GPHN: variants seen among roughly 807,000 people sequenced by gnomAD.
GPHN encodes gephyrin.
GPHN carries 17 observed loss-of-function variants against 95.5 expected under a neutral mutation model. That is an observed-to-expected ratio of 0.18 (90% CI 0.12 to 0.27). The LOEUF is 0.27. GPHN is among the 10% of genes least tolerant of loss of function. The pLI is 1.00. For missense variants in GPHN, 660 were observed against 978.1 expected, an observed-to-expected ratio of 0.67 and a Z score of 4.34; for synonymous variants, 320 against 322.5, an observed-to-expected ratio of 0.99 and a Z score of 0.08.
At chr14:66,884,630 A>G (rs934398208) in intron 5 of GPHN, among the ~76,000 whole-genome samples, 17 of 151,890 alleles carry the variant, frequency 1.1e-4, no homozygotes, top group Non-Finnish European at 1.8e-4. Context: ...TTCATTAAAA[A>G]CAACAGACTA....
At chr14:66,923,314 G>A (rs2066312887) in intron 7 of GPHN, among the ~76,000 whole-genome samples, 1 of 151,806 alleles carries the variant, frequency 6.6e-6, no homozygotes, top group Non-Finnish European at 1.5e-5. Flanking sequence ...GCAAACTGAA[G>A]GTAAAAGACC....
intron 1 of GPHN, among the ~76,000 whole-genome samples, chr14:66,518,423 G>A (rs1594794884): frequency 6.6e-6 from 1 of 152,098 alleles, no homozygotes; most frequent in South Asian, 2.1e-4. Flanking sequence ...ATGGAGAACA[G>A]TATAGAGGTT....
chr14:67,068,671 A>G (rs892127163), intron 11 of GPHN, among the ~76,000 whole-genome samples: 3 of 152,172 alleles, frequency 2.0e-5, no homozygotes, highest in Non-Finnish European at 4.4e-5. Context: ...TTTATTTAAG[A>G]TTACATGATT....
chr14:66,590,035 C>T (rs186069958), intron 1 of GPHN, among the ~76,000 whole-genome samples: 15 of 152,246 alleles, frequency 9.9e-5, no homozygotes, highest in East Asian at 3.8e-4. Context: ...CTCAAAACCG[C>T]GTAACTACGT....
At chr14:67,332,824 G>A in the GPHN span, 1 of 1,613,974 alleles carries the variant, frequency 6.2e-7, no homozygotes, top group Middle Eastern at 1.6e-4. Flanking sequence ...GAGAGATGGA[G>A]CAGAACAATG....
intron 1 of GPHN, among the ~76,000 whole-genome samples, chr14:66,657,968 T>C (rs1421880741): frequency 1.3e-5 from 2 of 152,164 alleles, no homozygotes; most frequent in Non-Finnish European, 2.9e-5. Context: ...GGGATTGCTG[T>C]GATAGACCTG....
At chr14:67,179,827 A>G (rs1436856732) in intron 22 of GPHN, among the ~76,000 whole-genome samples, 153 bp downstream of exon 22, 5 of 152,258 alleles carry the variant, frequency 3.3e-5, no homozygotes, top group East Asian at 3.8e-4. Flanking sequence ...TAAACAGTAT[A>G]GCAAAAGTTA....
At chr14:66,753,177 A>T (rs527481422) in intron 2 of GPHN, among the ~76,000 whole-genome samples, 1 of 152,106 alleles carries the variant, frequency 6.6e-6, no homozygotes, top group Admixed American at 6.6e-5. Context: ...ATGAATTTGT[A>T]TTTGACCACT....
chr14:66,776,469 G>A lies in GPHN; in HGVS notation c.149G>A (p.Gly50Asp), dbSNP rs375443129. Residue 50 changes from glycine (G) to aspartate (D), a missense_variant, in exon 3 of 23, where the codon GGT becomes GAT. By Grantham distance (94) the Gly-to-Asp change is moderately conservative. This residue lies in a region of GPHN where 92 missense variants were observed against 91.9 expected (regional missense o/e 1.00). Transcript: ENST00000478722. ...TTTTCTTCTCCTAATTTCAGGTTGG[G>A]TGGGACTATATCAGCATACAAGATA... ...KDLVQDPSLLGGTISAYKIVP... is the reference protein window; with the variant it reads ...KDLVQDPSLLDGTISAYKIVP... The A allele has an allele frequency of 1.3e-6, 2 of 1,556,970 alleles. No individual in the cohort carries two copies. Among genetic ancestry groups the A allele is most frequent in the African/African-American group, 2.7e-5 (2 of 72,936 alleles).
chr14:67,341,798 AAAG>A, the GPHN span, among the ~76,000 whole-genome samples: 1 of 152,240 alleles, frequency 6.6e-6, no homozygotes, highest in African/African-American at 2.4e-5. Context: ...GTCTGTGTAG[AAAG>A]AAGTAGACAT....
chr14:66,789,817 A>G (rs1360010789), intron 3 of GPHN, among the ~76,000 whole-genome samples: 1 of 152,192 alleles, frequency 6.6e-6, no homozygotes, highest in South Asian at 2.1e-4. Context: ...CTGTAATCCA[A>G]ACGTGCAGAG....
At chr14:67,490,150 C>A in the GPHN span, among the ~76,000 whole-genome samples, 1 of 152,140 alleles carries the variant, frequency 6.6e-6, no homozygotes, top group Non-Finnish European at 1.5e-5. Flanking sequence ...TGTTACTAAT[C>A]AAACATAGCA....
chr14:67,711,594 T>A, the GPHN span, among the ~76,000 whole-genome samples: 1 of 152,204 alleles, frequency 6.6e-6, no homozygotes, highest in African/African-American at 2.4e-5. Flanking sequence ...ACACAACACA[T>A]AAATGCATTG....
chr14:66,735,306 A>T (rs564089575), intron 2 of GPHN, among the ~76,000 whole-genome samples: 1 of 152,284 alleles, frequency 6.6e-6, no homozygotes, highest in Admixed American at 6.5e-5. Context: ...ATGATGTCAC[A>T]TCTTTATGAA....
chr14:66,746,748 T>G (rs1472132391), intron 2 of GPHN, among the ~76,000 whole-genome samples: 1 of 152,076 alleles, frequency 6.6e-6, no homozygotes, highest in Non-Finnish European at 1.5e-5. Context: ...TTAGCACTGG[T>G]GATAAGATGC....
intron 9 of GPHN, among the ~76,000 whole-genome samples, chr14:67,020,332 TGAA>T (rs1034173164): frequency 1.3e-5 from 2 of 152,190 alleles, no homozygotes; most frequent in African/African-American, 2.4e-5. Context: ...CCTCCCATAA[TGAA>T]GAGCTGACTT....
At chr14:67,128,671 T>G (rs2079492485) in intron 17 of GPHN, among the ~76,000 whole-genome samples, 2 of 152,160 alleles carry the variant, frequency 1.3e-5, no homozygotes, top group South Asian at 4.1e-4. Flanking sequence ...CCACTGTGGC[T>G]CGTGCCTCTA....
chr14:66,575,534 C>T (rs1595045078), intron 1 of GPHN, among the ~76,000 whole-genome samples: 2 of 152,300 alleles, frequency 1.3e-5, no homozygotes, highest in South Asian at 4.1e-4. Flanking sequence ...GTCAGCCTGT[C>T]CAGTGTTTCT....
At chr14:66,966,646 A>G (rs769958656) in intron 9 of GPHN, among the ~76,000 whole-genome samples, 6 of 152,038 alleles carry the variant, frequency 3.9e-5, no homozygotes, top group Admixed American at 2.0e-4. Context: ...CAGTTGTACC[A>G]GCTAAACTCA....
Sources: gnomAD v4.1 joint callset for allele counts (sites outside exome capture counted in the v4.1 genomes callset) on GRCh38, gnomAD v4.1.1 for gene constraint, gnomAD v4.1.1 regional missense constraint, MANE v1.5 for transcripts, NCBI Gene and HGNC (gene_info 2026-07-23, HGNC 2026-07-21) for gene names.